Variants in CDH23 observed in about 807,000 individuals in gnomAD.
CDH23 encodes the protein cadherin related 23, also known as cadherin-23.
CDH23 carries 189 observed loss-of-function variants against 317.1 expected under a neutral mutation model. That is an observed-to-expected ratio of 0.60 (90% CI 0.53 to 0.67). The LOEUF (loss-of-function observed/expected upper bound fraction) is 0.67, where lower values mean the gene tolerates loss of function less well. CDH23 is among the 30% of genes least tolerant of loss of function. The pLI, the probability that CDH23 is intolerant of heterozygous loss-of-function variation, is 0.00. For synonymous variants in CDH23, 1,839 were observed against 1,876.8 expected, an observed-to-expected ratio of 0.98 and a Z score of 0.52; for missense variants, 4,401 against 4,592.4, an observed-to-expected ratio of 0.96 and a Z score of 1.20.
chr10:71,565,606 G>A (rs1857353670), intron 6 of CDH23, among the ~76,000 whole-genome samples: 1 of 152,108 alleles, frequency 6.6e-6, no homozygotes, highest in Non-Finnish European at 1.5e-5. Context: ...ACACCTCCCT[G>A]CCCCACCCTT....
intron 3 of CDH23, among the ~76,000 whole-genome samples, chr10:71,498,930 C>A (rs564784367): frequency 6.6e-6 from 1 of 152,172 alleles, no homozygotes; most frequent in Non-Finnish European, 1.5e-5. Context: ...GGAAGGAAAT[C>A]AGGATATCAA....
intron 30 of CDH23, among the ~76,000 whole-genome samples, chr10:71,728,603 C>G (rs1866918673): frequency 6.6e-6 from 1 of 152,148 alleles, no homozygotes; most frequent in Non-Finnish European, 1.5e-5. Flanking sequence ...TGCAGAGGCC[C>G]CTCCCTTAGT....
At position 71,515,304 on chromosome 10, in the gene CDH23, G is replaced by A. The variant is rs1010566378; in HGVS notation, c.429+4092G>A. On this transcript the variant is annotated intron_variant, in intron 6 of 69. Transcript: ENST00000224721. ...ATTCTCTTCTGCTATTCCTTCATAT[G>A]AACTCTCCTATCAGCCATAGAGCCA... 7.9e-5 allele frequency among the ~76,000 whole-genome samples: 12 copies of A among 151,044 alleles called. No homozygotes were observed. The South Asian group carries it at 1.5e-3, about 19-fold the overall frequency.
intron 28 of CDH23, chr10:71,717,037 A>G (rs1424508936): frequency 1.3e-5 from 2 of 151,834 alleles, no homozygotes; most frequent in East Asian, 3.9e-4. Context: ...CCCACCACAC[A>G]CCTTATTTCA....
At position 71,558,892 on chromosome 10, in the gene CDH23, G is replaced by A. The variant is rs529334770; in HGVS notation, c.430-7850G>A. 6.6e-5 allele frequency among the ~76,000 whole-genome samples: 10 copies of A among 152,320 alleles called. No homozygotes were observed. In the East Asian group the frequency reaches 1.9e-3, roughly 29 times the overall value. ...TGAAGAGGGATGGGATTGGTGGGGA[G>A]GGTACAGATTTCCTCCTAACCTCCC... On this transcript the variant is annotated intron_variant, in intron 6 of 69. Transcript: ENST00000224721.
At chr10:71,813,369 G>A (rs1245626869) in intron 69 of CDH23, 21 bp downstream of exon 69, 1 of 1,541,020 alleles carries the variant, frequency 6.5e-7, no homozygotes, top group Admixed American at 2.0e-5. Context: ...GGGTGGCTGG[G>A]AGCTGTGTGC....
intron 1 of CDH23, among the ~76,000 whole-genome samples, chr10:71,419,289 G>A (rs1455653279): frequency 6.6e-6 from 1 of 152,192 alleles, no homozygotes; most frequent in Non-Finnish European, 1.5e-5. Context: ...AGAATGAAGT[G>A]ACCTTGAGGG....
At chr10:71,403,458 C>T (rs868095970) in intron 1 of CDH23, among the ~76,000 whole-genome samples, 807 of 19,990 alleles carry the variant, frequency 0.04, 6 homozygotes, top group East Asian at 0.092. Context: ...CCTTCCTTTC[C>T]TTCCTTCCTT....
intron 6 of CDH23, among the ~76,000 whole-genome samples, chr10:71,535,479 C>T (rs555491722): frequency 1.1e-3 from 171 of 152,286 alleles, no homozygotes; most frequent in Non-Finnish European, 2.1e-3. Flanking sequence ...TAGAAGGTTT[C>T]GCTCCACATC....
chr10:71,759,930 CAT>C lies in CDH23; in HGVS notation c.4846-17744_4846-17743del, dbSNP rs1169681195. Reference sequence around the variant, plus strand: ...ACACACACACATATATACACACACACATATATACACACACACATATATATACA... The same window carrying C: ...ACACACACACATATATACACACACACATATACACACACACATATATATACA... On this transcript the variant is annotated intron_variant, in intron 38 of 69. Transcript: ENST00000224721. Among the ~76,000 whole-genome samples the C allele has an allele frequency of 2.2e-4, 12 of 54,524 alleles. 2 individuals carry two copies. In the South Asian group the frequency reaches 3.7e-3, roughly 17 times the overall value. 35.8% of individuals were successfully genotyped at this position (54,524 alleles called of 152,430 possible). A position where few individuals can be genotyped will look rare whatever the true frequency, so the allele number is the denominator to read the frequency against.
chr10:71,553,427 C>CGGTG (rs1856708667), intron 6 of CDH23, among the ~76,000 whole-genome samples: 1 of 152,222 alleles, frequency 6.6e-6, no homozygotes, highest in African/African-American at 2.4e-5. Context: ...CACATCACAC[C>CGGTG]GCCTGAAGGG....
intron 11 of CDH23, among the ~76,000 whole-genome samples, chr10:71,619,202 G>A (rs1861343865): frequency 6.6e-6 from 1 of 152,032 alleles, no homozygotes; most frequent in African/African-American, 2.4e-5. Flanking sequence ...AGGCATGATG[G>A]TGTGCACCTG....
chr10:71,610,281 G>A (rs1474894412), intron 9 of CDH23, among the ~76,000 whole-genome samples: 3 of 152,182 alleles, frequency 2.0e-5, no homozygotes, highest in Non-Finnish European at 2.9e-5. Context: ...GGGATTACAG[G>A]CATGAGCCAC....
chr10:71,742,002 A>C lies in CDH23; in HGVS notation c.4845+81A>C, dbSNP rs182669316. ...CCGAGTGAGGGGAACAAGATGGGTG[A>C]GAATGGAATTCCACACAGCAGGCGA... is the stretch of plus-strand genomic sequence containing the variant. On this transcript the variant is annotated intron_variant, in intron 38 of 69. Transcript: ENST00000224721. 1.7e-5 allele frequency: 19 copies of C among 1,142,928 alleles called. No homozygotes were observed. In the Admixed American group the frequency reaches 4.4e-4, roughly 27 times the overall value. The allele number at this position is 1,142,928 out of a possible 1,614,324, so 70.8% of individuals were successfully genotyped here.
chr10:71,457,459 A>G (rs1017591308), intron 3 of CDH23, among the ~76,000 whole-genome samples: 14 of 151,950 alleles, frequency 9.2e-5, no homozygotes, highest in African/African-American at 3.4e-4. Context: ...TCAATCTCCA[A>G]TGACCACACT....
At chr10:71,512,561 C>A (rs1376970311) in intron 6 of CDH23, among the ~76,000 whole-genome samples, 1 of 152,194 alleles carries the variant, frequency 6.6e-6, no homozygotes, top group Non-Finnish European at 1.5e-5. Context: ...AGTTAATGAG[C>A]CTTGGACCCA....
intron 28 of CDH23, 122 bp from the exon 29 acceptor site, chr10:71,723,923 G>T: frequency 9.1e-7 from 1 of 1,097,804 alleles, no homozygotes; most frequent in South Asian, 1.3e-5. Context: ...GCCTCTGAGG[G>T]AGACCACAGG....
At chr10:71,700,565 G>A (rs533191267) in intron 22 of CDH23, among the ~76,000 whole-genome samples, 5 of 152,320 alleles carry the variant, frequency 3.3e-5, no homozygotes, top group Admixed American at 3.3e-4. Context: ...CCTTTATGGA[G>A]GCTAGGGAAA....
chr10:71,497,508 A>G (rs1661744298), intron 3 of CDH23, among the ~76,000 whole-genome samples: 1 of 152,110 alleles, frequency 6.6e-6, no homozygotes, highest in African/African-American at 2.4e-5. Flanking sequence ...AGGGCAGAAA[A>G]AAAAAATATC....
Sources: allele counts gnomAD v4.1 joint callset (sites outside exome capture counted in the v4.1 genomes callset), GRCh38; gene constraint gnomAD v4.1.1; transcripts MANE v1.5; gene names NCBI Gene and HGNC (gene_info 2026-07-23, HGNC 2026-07-21).